TBC1D15: variants seen among roughly 807,000 people sequenced by gnomAD.
TBC1D15 encodes the protein TBC1 domain family member 15.
A neutral mutation model predicts 95.4 loss-of-function variants in TBC1D15; 39 were observed. The ratio of observed to expected loss-of-function variants is 0.41; its 90% CI spans 0.32 to 0.53. The LOEUF is 0.53. Among genes scored for constraint, TBC1D15 ranks in the 20% least tolerant of loss-of-function variants. TBC1D15 has a pLI of 0.29. For missense variants in TBC1D15, 733 were observed against 794.3 expected, an observed-to-expected ratio of 0.92 and a Z score of 0.93; for synonymous variants, 258 against 261.3, an observed-to-expected ratio of 0.99 and a Z score of 0.12.
chr12:71,900,296 C>G, intron 10 of TBC1D15, among the ~76,000 whole-genome samples: 1 of 152,016 alleles, frequency 6.6e-6, no homozygotes, highest in East Asian at 1.9e-4. Context: ...CATGTGCCAC[C>G]TAGTGGAAAA....
intron 11 of TBC1D15, 26 bp from the exon 12 acceptor site, chr12:71,913,800 G>T: frequency 6.5e-7 from 1 of 1,527,188 alleles, no homozygotes. Context: ...TGGGTTTTCA[G>T]AGATGATTTT....
intron 1 of TBC1D15, among the ~76,000 whole-genome samples, chr12:71,871,204 A>G (rs1303448145): frequency 6.6e-6 from 1 of 152,196 alleles, no homozygotes; most frequent in Non-Finnish European, 1.5e-5. Context: ...ATATTCCCAT[A>G]GGAATTTATT....
chr12:71,870,849 G>A (rs1165737851), intron 1 of TBC1D15, among the ~76,000 whole-genome samples: 3 of 152,124 alleles, frequency 2.0e-5, no homozygotes, highest in African/African-American at 7.2e-5. Context: ...GTAAATGTTA[G>A]CTAAAAACAG....
chr12:71,875,042 G>A (rs1592738120), intron 3 of TBC1D15, among the ~76,000 whole-genome samples: 1 of 151,984 alleles, frequency 6.6e-6, no homozygotes, highest in East Asian at 1.9e-4. Context: ...TGGCCCAAGC[G>A]ATCCATCCAC....
intron 1 of TBC1D15, among the ~76,000 whole-genome samples, chr12:71,866,609 C>T (rs1891558719): frequency 2.0e-5 from 3 of 152,212 alleles, no homozygotes; most frequent in South Asian, 4.1e-4. Flanking sequence ...CTAGTGCTCT[C>T]CCTCAGTTAT....
chr12:71,909,921 C>A (rs1901760913), intron 11 of TBC1D15, among the ~76,000 whole-genome samples: 1 of 151,996 alleles, frequency 6.6e-6, no homozygotes, highest in Admixed American at 6.6e-5. Context: ...TTAATTCCAC[C>A]CCCTACAACC....
chr12:71,907,014 C>T lies in TBC1D15; in HGVS notation c.1184-8C>T. The T allele has an allele frequency of 1.3e-6, 2 of 1,555,716 alleles. No individual in the cohort carries two copies. Among genetic ancestry groups the T allele is most frequent in the South Asian group, 1.2e-5 (1 of 83,624 alleles). On this transcript the variant is annotated splice_region_variant and splice_polypyrimidine_tract_variant and intron_variant, in intron 10 of 16. Coordinates refer to ENST00000485960, the MANE Select transcript of TBC1D15 (RefSeq NM_001146213.3). ...GCTTTTCAAATATGTGATGATTTTC[C>T]TCTTCAGAAAAAGATGTTAACAGAA...
chr12:71,873,037 G>A (rs769217374), intron 3 of TBC1D15, 34 bp downstream of exon 3: 2 of 1,426,640 alleles, frequency 1.4e-6, no homozygotes, highest in Non-Finnish European at 9.7e-7. Context: ...CTAAGGGAAT[G>A]CCATTTAAAA....
At chr12:71,863,606 T>A (rs1294000712) in intron 1 of TBC1D15, among the ~76,000 whole-genome samples, 1 of 152,212 alleles carries the variant, frequency 6.6e-6, no homozygotes, top group African/African-American at 2.4e-5. Context: ...TTTCAGTTAC[T>A]GTATTAAATA....
At chr12:71,854,650 C>A (rs1331727371) in intron 1 of TBC1D15, 1 of 456,410 alleles carries the variant, frequency 2.2e-6, no homozygotes, top group Non-Finnish European at 4.4e-6. Context: ...AGCTGAAGGT[C>A]ATCATCATAT....
intron 14 of TBC1D15, among the ~76,000 whole-genome samples, chr12:71,918,927 A>T (rs888756490): frequency 2.6e-5 from 4 of 151,184 alleles, no homozygotes; most frequent in Non-Finnish European, 5.9e-5. Flanking sequence ...ACCCAAGGCA[A>T]CTCTTTATTT....
In TBC1D15 at chr12:71,923,031, G is replaced by A. The variant is rs1291941324; in HGVS notation, c.1852G>A (p.Val618Ile). The A allele has an allele frequency of 2.5e-6, 4 of 1,614,222 alleles. No individual in the cohort carries two copies. Among genetic ancestry groups the A allele is most frequent in the East Asian group, 2.2e-5 (1 of 44,882 alleles). The change falls in exon 17 of 17, where the codon GTT (valine) becomes ATT (isoleucine). Residue 618 changes from valine to isoleucine, a missense_variant. Transcript: ENST00000485960. Reference sequence around the variant, plus strand: ...GATCCTTGGGCTTCAAGGCAGTGAAGTTACAACACCAGATTCAGACGTTGG... The same window carrying A: ...GATCCTTGGGCTTCAAGGCAGTGAAATTACAACACCAGATTCAGACGTTGG... ...CEILGLQGSE[V>I]TTPDSDVGED... is the part of the protein sequence containing the mutation.
chr12:71,896,724 T>G lies in TBC1D15; in HGVS notation c.1032T>G (p.Gly344=). The change falls in exon 9 of 17, where the codon GGT becomes GGG. Residue 344 remains glycine (G), a synonymous_variant. Coordinates refer to ENST00000485960, the MANE Select transcript of TBC1D15 (RefSeq NM_001146213.3). ...LRKQAWKFLL[G]YFPWDSTKEE... ...AGCAAGCATGGAAATTTCTTCTGGG[T>G]TATTTTCCCTGGGACAGTACCAAGG... The G allele has an allele frequency of 6.2e-7, 1 of 1,613,106 alleles. No individual in the cohort carries two copies. The highest frequency in any genetic ancestry group is 8.5e-7 in the Non-Finnish European group (1 of 1,179,404).
At chr12:71,921,331 A>G in intron 15 of TBC1D15, 37 bp from the exon 16 acceptor site, 1 of 1,206,210 alleles carries the variant, frequency 8.3e-7, no homozygotes, top group Non-Finnish European at 1.2e-6. Flanking sequence ...TAGTGTATTC[A>G]GTTTCGATAT....
intron 5 of TBC1D15, among the ~76,000 whole-genome samples, chr12:71,889,642 T>A (rs1455745670): frequency 6.6e-6 from 1 of 152,216 alleles, no homozygotes; most frequent in Non-Finnish European, 1.5e-5. Context: ...TTTTTTGTTT[T>A]AACTTTTATT....
chr12:71,894,317 G>A (rs1264284626), intron 6 of TBC1D15: 5 of 1,611,080 alleles, frequency 3.1e-6, no homozygotes, highest in African/African-American at 1.3e-5. Context: ...TATTTTTTTT[G>A]TATGAAGGCA....
intron 5 of TBC1D15, among the ~76,000 whole-genome samples, chr12:71,888,602 A>G (rs1390453198): frequency 6.6e-6 from 1 of 152,202 alleles, no homozygotes; most frequent in Non-Finnish European, 1.5e-5. Flanking sequence ...TGACACCTAC[A>G]GGCTTTCCTA....
intron 1 of TBC1D15, among the ~76,000 whole-genome samples, chr12:71,840,210 G>C (rs980943395): frequency 1.3e-5 from 2 of 152,180 alleles, no homozygotes; most frequent in African/African-American, 2.4e-5. Flanking sequence ...ACTTGCCTCT[G>C]TCTTCTTTGC....
At chr12:71,861,117 T>C (rs770236396) in intron 1 of TBC1D15, among the ~76,000 whole-genome samples, 10 of 151,518 alleles carry the variant, frequency 6.6e-5, no homozygotes, top group Admixed American at 1.3e-4. Context: ...TAGTATTTTG[T>C]TGAGAATTTT....
Sources: allele counts gnomAD v4.1 joint callset (sites outside exome capture counted in the v4.1 genomes callset), GRCh38; gene constraint gnomAD v4.1.1; transcripts MANE v1.5; gene names NCBI Gene and HGNC (gene_info 2026-07-23, HGNC 2026-07-21).